GSR: variants seen among roughly 807,000 people sequenced by gnomAD.
The protein encoded by GSR is glutathione-disulfide reductase.
A neutral mutation model predicts 56.5 loss-of-function variants in GSR; 48 were observed. That is an observed-to-expected ratio of 0.85 (90% confidence interval 0.67 to 1.08). GSR has a LOEUF of 1.08. Ranked by LOEUF, GSR falls within the 50% of genes least tolerant of loss-of-function variation. The pLI, the probability that GSR is intolerant of heterozygous loss-of-function variation, is 0.00. For missense variants in GSR, 694 were observed against 703.3 expected, an observed-to-expected ratio of 0.99 and a Z score of 0.15; for synonymous variants, 264 against 270.8, an observed-to-expected ratio of 0.97 and a Z score of 0.25.
intron 1 of GSR, among the ~76,000 whole-genome samples, chr8:30,716,874 T>A (rs879799317): frequency 1.3e-5 from 2 of 152,000 alleles, no homozygotes; most frequent in African/African-American, 2.4e-5. Context: ...TGGCATGCTC[T>A]CGCTCACCCA....
intron 4 of GSR, among the ~76,000 whole-genome samples, chr8:30,706,119 T>C (rs1296012887): frequency 1.3e-5 from 2 of 150,714 alleles, no homozygotes; most frequent in African/African-American, 4.9e-5. Context: ...GAGGCTGTAG[T>C]GAGCTGAGAT....
intron 6 of GSR, among the ~76,000 whole-genome samples, chr8:30,699,383 C>T (rs938099991): frequency 6.6e-6 from 1 of 151,572 alleles, no homozygotes; most frequent in East Asian, 2.0e-4. Flanking sequence ...CTGAGGCGGG[C>T]GGATCACCTG....
intron 1 of GSR, among the ~76,000 whole-genome samples, chr8:30,713,770 A>G (rs1804237285): frequency 6.6e-6 from 1 of 152,230 alleles, no homozygotes; most frequent in Admixed American, 6.5e-5. Context: ...GTGTTAGCAA[A>G]CATATCCTGA....
intron 1 of GSR, among the ~76,000 whole-genome samples, chr8:30,720,088 C>T (rs1804478360): frequency 6.6e-6 from 1 of 152,040 alleles, no homozygotes; most frequent in Non-Finnish European, 1.5e-5. Context: ...GTGTTGCACG[C>T]CTGTAGTCCC....
chr8:30,697,529 G>A (rs1283349201), intron 6 of GSR, among the ~76,000 whole-genome samples: 2 of 152,154 alleles, frequency 1.3e-5, no homozygotes, highest in East Asian at 3.9e-4. Flanking sequence ...TTGAGAGGCT[G>A]AGGCAGGAGG....
At chr8:30,689,955 A>T (rs1390997955) in intron 8 of GSR, among the ~76,000 whole-genome samples, 1 of 140,872 alleles carries the variant, frequency 7.1e-6, no homozygotes, top group Non-Finnish European at 1.5e-5. Context: ...AAATATATGT[A>T]TATTTTTATT....
intron 7 of GSR, among the ~76,000 whole-genome samples, chr8:30,694,943 C>A (rs1803497404): frequency 1.3e-5 from 2 of 150,994 alleles, no homozygotes; most frequent in South Asian, 4.2e-4. Context: ...GTGGCCCACA[C>A]CTGTAGCCTC....
intron 3 of GSR, among the ~76,000 whole-genome samples, chr8:30,709,530 C>G (rs1804033688): frequency 6.6e-6 from 1 of 152,030 alleles, no homozygotes; most frequent in South Asian, 2.1e-4. Context: ...TAGAGGTTCC[C>G]AGGGGCCAGG....
chr8:30,726,147 C>T (rs1804715839), intron 1 of GSR, among the ~76,000 whole-genome samples: 1 of 152,098 alleles, frequency 6.6e-6, no homozygotes, highest in Non-Finnish European at 1.5e-5. Flanking sequence ...GAGATTTTTC[C>T]TTTCTCTTCA....
Position 30,680,886 on chromosome 8 carries a change from T to C in GSR, c.1419+18A>G. ...CCATTTTGCAAGGCACTATTTAGTT[T>C]GCTGGATTTTTCCTTACCTTTTCTT... is the stretch of plus-strand genomic sequence containing the variant. On this transcript the variant is annotated intron_variant, in intron 12 of 12. Coordinates refer to ENST00000221130, the MANE Select transcript of GSR (RefSeq NM_000637.5). The C allele has an allele frequency of 6.2e-7, 1 of 1,611,762 alleles. No homozygotes were observed. Among genetic ancestry groups the C allele is most frequent in the Non-Finnish European group, 8.5e-7 (1 of 1,178,964 alleles).
chr8:30,684,141 A>G lies in GSR; in HGVS notation c.1100T>C (p.Val367Ala). 6.2e-7 allele frequency: 1 copy of G among 1,610,360 alleles called. No individual in the cohort carries two copies. The highest frequency in any genetic ancestry group is 1.1e-5 in the South Asian group (1 of 90,984). The change falls in exon 10 of 13, where the codon GTC (valine) becomes GCC (alanine). Residue 367 changes from valine (V) to alanine (A), a missense_variant. Coordinates refer to ENST00000221130, the MANE Select transcript of GSR (RefSeq NM_000637.5). The stretch of plus-strand genomic sequence containing the variant: ...ATCCCCAACTGCATAGATGCCTTTG[A>G]CGTTGGTATTCTGGAATTCGTCTAC... ...IIVDEFQNTN[V>A]KGIYAVGDVC...
chr8:30,723,809 CACACACA>C (rs774372955), intron 1 of GSR, among the ~76,000 whole-genome samples: 7 of 150,468 alleles, frequency 4.7e-5, no homozygotes, highest in Middle Eastern at 3.5e-3. Context: ...CACACACACA[CACACACA>C]CACCCAGGTC....
At chr8:30,702,188 C>T (rs1156417701) in intron 5 of GSR, among the ~76,000 whole-genome samples, 1 of 151,838 alleles carries the variant, frequency 6.6e-6, no homozygotes, top group Non-Finnish European at 1.5e-5. Flanking sequence ...GGCGTGGTGG[C>T]GGACACCTGT....
chr8:30,712,048 A>G lies in GSR; in HGVS notation c.333+14T>C. The stretch of plus-strand genomic sequence containing the variant: ...AAAAAGGATTGTAAAGGGAAAGAGA[A>G]ATAAAAATTCTACCTTTTTGGGTAC... On this transcript the variant is annotated intron_variant, in intron 2 of 12. Transcript: ENST00000221130. 7.6e-7 allele frequency: 1 copy of G among 1,309,886 alleles called. No homozygotes were observed. The highest frequency in any genetic ancestry group is 1.8e-4 in the Middle Eastern group (1 of 5,476). The allele number at this position is 1,309,886 out of a possible 1,614,324, so 81.1% of individuals were successfully genotyped here.
chr8:30,725,337 G>A (rs938553701), intron 1 of GSR, among the ~76,000 whole-genome samples: 2 of 152,022 alleles, frequency 1.3e-5, no homozygotes, highest in Non-Finnish European at 2.9e-5. Context: ...TGTAATCCCA[G>A]CACTTTGGGA....
chr8:30,694,863 A>G (rs1803493853), intron 7 of GSR, among the ~76,000 whole-genome samples: 1 of 138,760 alleles, frequency 7.2e-6, no homozygotes, highest in African/African-American at 2.7e-5. Flanking sequence ...GTGCCACCGC[A>G]CTCTAGCCTG....
At chr8:30,720,967 C>T (rs2978670) in intron 1 of GSR, among the ~76,000 whole-genome samples, 116,472 of 151,918 alleles carry the variant, frequency 0.77, 49,146 homozygotes, top group Non-Finnish European at 0.94. Flanking sequence ...CCACAAATAA[C>T]AGCCTGTAGT....
At chr8:30,715,682 G>GA (rs1323474938) in intron 1 of GSR, among the ~76,000 whole-genome samples, 1 of 152,164 alleles carries the variant, frequency 6.6e-6, no homozygotes, top group Non-Finnish European at 1.5e-5. Flanking sequence ...CCCAAAGGTA[G>GA]AGATGATTTG....
intron 6 of GSR, among the ~76,000 whole-genome samples, chr8:30,697,460 C>CTAAAAG (rs1290840478): frequency 1.3e-5 from 2 of 149,806 alleles, no homozygotes; most frequent in African/African-American, 4.9e-5. Context: ...CAAAAAACCC[C>CTAAAAG]TAAAAGTAAA....
Sources: gnomAD v4.1 joint callset for allele counts (sites outside exome capture counted in the v4.1 genomes callset) on GRCh38, gnomAD v4.1.1 for gene constraint, MANE v1.5 for transcripts, NCBI Gene and HGNC (gene_info 2026-07-23, HGNC 2026-07-21) for gene names.